The following DLGAP1 variants were observed in gnomAD, a reference collection of about 807,000 sequenced individuals.
DLGAP1 encodes disks large-associated protein 1.
A neutral mutation model predicts 90.8 loss-of-function variants in DLGAP1; 11 were observed. The ratio of observed to expected loss-of-function variants is 0.12; its 90% confidence interval spans 0.08 to 0.20. The LOEUF is 0.20. DLGAP1 is among the 10% of genes least tolerant of loss of function. DLGAP1 has a pLI of 1.00. For missense variants in DLGAP1, 1,050 were observed against 1,333.8 expected (o/e 0.79, Z 3.31); for synonymous variants, 558 against 540.7 (o/e 1.03, Z -0.44).
At chr18:3,574,462 G>A (rs1251349672) in intron 8 of DLGAP1, among the ~76,000 whole-genome samples, 1 of 152,138 alleles carries the variant, frequency 6.6e-6, no homozygotes, top group Non-Finnish European at 1.5e-5. Flanking sequence ...TAATCCAAAT[G>A]TTATTTAGAT....
chr18:4,334,862 C>A (rs2081035796), intron 1 of DLGAP1, among the ~76,000 whole-genome samples: 1 of 151,888 alleles, frequency 6.6e-6, no homozygotes, highest in Non-Finnish European at 1.5e-5. Context: ...TCTAGTAAGG[C>A]ACCCTAATGG....
rs139200984 is a variant in DLGAP1, at chr18:4,399,118, C to T, written c.-267+55888G>A. Among the ~76,000 whole-genome samples, 216 of 152,310 alleles carry T rather than the reference C, an allele frequency of 1.4e-3. 1 individual carries two copies. Among genetic ancestry groups the T allele is most frequent in the African/African-American group, 5.0e-3 (208 of 41,558 alleles). ...GTGCTGGGATTACAGGCGTGAGCCA[C>T]CGCACCAGGCCTAGACGGACCCATT... is the stretch of plus-strand genomic sequence containing the variant. On this transcript the variant is annotated intron_variant, in intron 1 of 12. Transcript: ENST00000315677.
chr18:4,192,383 T>C lies in DLGAP1; in HGVS notation c.-266-41096A>G, dbSNP rs573590578. Among the ~76,000 whole-genome samples the C allele has an allele frequency of 5.3e-4, 81 of 152,312 alleles. 1 individual carries two copies. The highest frequency in any genetic ancestry group is 1.8e-3 in the African/African-American group (74 of 41,580). On this transcript the variant is annotated intron_variant, in intron 1 of 12. Coordinates refer to ENST00000315677, the MANE Select transcript of DLGAP1 (RefSeq NM_004746.4). ...AGACTATCATAAGCATGTCATTTGA[T>C]AACGACTGCAACTCATCCTTCCTCC...
rs567799481 is a variant in DLGAP1, at chr18:3,986,878, C to T, written c.-73+18238G>A. Among the ~76,000 whole-genome samples, 4 of 152,188 alleles carry T rather than the reference C, an allele frequency of 2.6e-5. No homozygotes were observed. The South Asian group carries it at 6.2e-4, about 24-fold the overall frequency. ...TAATTACCTATTGTCCTGAGCTCCC[C>T]GGATACTGGACCCTTCAATGGTGAC... On this transcript the variant is annotated intron_variant, in intron 3 of 12. Transcript: ENST00000315677.
In DLGAP1 at chr18:4,306,420, A is replaced by T. The variant is rs1036182092; in HGVS notation, c.-267+148586T>A. On this transcript the variant is annotated intron_variant, in intron 1 of 12. Transcript: ENST00000315677. Reference sequence around the variant, plus strand: ...AGGATATGAGAATAAAAAAAGAGAAAGTAAGAGTGTGTGTGTGTGTGTGTG... The same window carrying T: ...AGGATATGAGAATAAAAAAAGAGAATGTAAGAGTGTGTGTGTGTGTGTGTG... Among the ~76,000 whole-genome samples, 5 of 130,356 alleles carry T rather than the reference A, an allele frequency of 3.8e-5. No individual in the cohort carries two copies. The East Asian group carries it at 1.2e-3, about 30-fold the overall frequency. 85.5% of individuals were successfully genotyped at this position (130,356 alleles called of 152,430 possible).
intron 1 of DLGAP1, among the ~76,000 whole-genome samples, chr18:4,163,460 G>A (rs759172018): frequency 5.9e-5 from 9 of 152,198 alleles, no homozygotes; most frequent in Non-Finnish European, 8.8e-5. Flanking sequence ...TAATCCACAC[G>A]AAAGTGTGAT....
At chr18:3,806,980 C>A (rs1460696547) in intron 5 of DLGAP1, among the ~76,000 whole-genome samples, 1 of 152,196 alleles carries the variant, frequency 6.6e-6, no homozygotes, top group Admixed American at 6.5e-5. Flanking sequence ...CAGAGCTGAA[C>A]CCAGGCTCCT....
intron 1 of DLGAP1, among the ~76,000 whole-genome samples, chr18:4,321,509 T>G (rs1598894423): frequency 6.6e-6 from 1 of 152,176 alleles, no homozygotes; most frequent in Non-Finnish European, 1.5e-5. Flanking sequence ...AACTTCCAAC[T>G]TAAAAGTAGT....
intron 1 of DLGAP1, among the ~76,000 whole-genome samples, chr18:4,402,368 CAG>C (rs2082573066): frequency 6.6e-6 from 1 of 152,136 alleles, no homozygotes; most frequent in Non-Finnish European, 1.5e-5. Flanking sequence ...TTGTCAGAAA[CAG>C]ATATCTCTAT....
chr18:3,974,753 T>A (rs545130686), intron 3 of DLGAP1, among the ~76,000 whole-genome samples: 4 of 152,160 alleles, frequency 2.6e-5, no homozygotes, highest in Non-Finnish European at 5.9e-5. Context: ...AAGAGGACAG[T>A]ATAAGACTCA....
At chr18:4,294,983 T>A (rs2079941303) in intron 1 of DLGAP1, 1 of 152,616 alleles carries the variant, frequency 6.6e-6, no homozygotes, top group South Asian at 2.1e-4. Flanking sequence ...TCCAGTTTGC[T>A]AATCTCCTTG....
At chr18:4,347,560 T>C (rs560082724) in intron 1 of DLGAP1, among the ~76,000 whole-genome samples, 3 of 152,210 alleles carry the variant, frequency 2.0e-5, no homozygotes, top group Admixed American at 6.5e-5. Context: ...AAATCTATTA[T>C]GATCATATGC....
At chr18:4,447,137 G>A (rs886479337) in intron 1 of DLGAP1, among the ~76,000 whole-genome samples, 1 of 152,108 alleles carries the variant, frequency 6.6e-6, no homozygotes, top group Non-Finnish European at 1.5e-5. Context: ...GTGAAGATAC[G>A]ACTATTACCC....
At chr18:3,991,451 A>G (rs1486787511) in intron 3 of DLGAP1, among the ~76,000 whole-genome samples, 1 of 152,174 alleles carries the variant, frequency 6.6e-6, no homozygotes, top group East Asian at 1.9e-4. Context: ...GGAATTTCAG[A>G]TATTGGCCAG....
intron 7 of DLGAP1, among the ~76,000 whole-genome samples, chr18:3,723,513 A>G (rs909402602): frequency 2.0e-5 from 3 of 152,144 alleles, no homozygotes; most frequent in Middle Eastern, 3.4e-3. Flanking sequence ...GTGTATTGCA[A>G]TTACAAATTA....
chr18:3,560,653 AT>A (rs1165236519), intron 9 of DLGAP1, among the ~76,000 whole-genome samples: 1 of 150,108 alleles, frequency 6.7e-6, no homozygotes, highest in Non-Finnish European at 1.5e-5. Context: ...CAAGCTGCAC[AT>A]TTTTTTCTAA....
intron 1 of DLGAP1, among the ~76,000 whole-genome samples, chr18:4,269,446 C>T (rs929550425): frequency 9.3e-5 from 14 of 150,992 alleles, no homozygotes; most frequent in Non-Finnish European, 1.5e-4. Flanking sequence ...CTCTGCCTGC[C>T]GGGCTCACGC....
chr18:3,994,507 G>A (rs746607448), intron 3 of DLGAP1, among the ~76,000 whole-genome samples: 5 of 152,108 alleles, frequency 3.3e-5, no homozygotes, highest in African/African-American at 7.2e-5. Context: ...GACAGAGTGC[G>A]GCTAAAAATA....
chr18:3,872,065 T>A (rs16945575), intron 4 of DLGAP1, among the ~76,000 whole-genome samples: 35,183 of 151,858 alleles, frequency 0.23, 4,803 homozygotes, highest in South Asian at 0.32. Flanking sequence ...AGAAAATTCA[T>A]TGTATAAATA....
Sources: gnomAD v4.1 joint callset for allele counts (sites outside exome capture counted in the v4.1 genomes callset) on GRCh38, gnomAD v4.1.1 for gene constraint, MANE v1.5 for transcripts, NCBI Gene and HGNC (gene_info 2026-07-23, HGNC 2026-07-21) for gene names.